MAP4K4: variants seen among roughly 807,000 people sequenced by gnomAD.
MAP4K4 encodes mitogen-activated protein kinase kinase kinase kinase 4, also known as HPK/GCK-like kinase HGK.
Under a neutral mutation model 189.6 loss-of-function variants are expected in MAP4K4, and 38 were observed. That is an observed-to-expected ratio of 0.20 (90% CI 0.15 to 0.26). The LOEUF (loss-of-function observed/expected upper bound fraction) is 0.26. MAP4K4 is among the 10% of genes least tolerant of loss of function. The probability of loss-of-function intolerance (pLI) is 1.00; values close to 1 mark genes in which losing one functional copy is unlikely to be tolerated. For missense variants in MAP4K4, 1,054 were observed against 1,726.9 expected, an observed-to-expected ratio of 0.61 and a Z score of 6.91; for synonymous variants, 610 against 624.3, an observed-to-expected ratio of 0.98 and a Z score of 0.34.
intron 32 of MAP4K4, among the ~76,000 whole-genome samples, chr2:101,889,911 C>T (rs1044640647): frequency 6.6e-6 from 1 of 152,202 alleles, no homozygotes; most frequent in Non-Finnish European, 1.5e-5. Flanking sequence ...TTCTGCAACC[C>T]TACAACTCAG....
chr2:101,839,905 C>G, exon 10 of MAP4K4: 1 of 1,613,866 alleles, frequency 6.2e-7, no homozygotes, highest in Non-Finnish European at 8.5e-7. Context: ...TTGAAACATC[C>G]TTTTATAAGG....
At chr2:101,791,164 A>T (rs2092822903) in intron 3 of MAP4K4, among the ~76,000 whole-genome samples, 1 of 152,214 alleles carries the variant, frequency 6.6e-6, no homozygotes, top group South Asian at 2.1e-4. Context: ...GTATTAGGCC[A>T]CATTTGTGCC....
chr2:101,700,720 G>A (rs1159215254), intron 2 of MAP4K4, among the ~76,000 whole-genome samples: 1 of 150,232 alleles, frequency 6.7e-6, no homozygotes, highest in Non-Finnish European at 1.5e-5. Flanking sequence ...ATCACACTTA[G>A]AAAAATGTCA....
chr2:101,891,987 TAAAAAAAAAAAAA>T (rs60620198), exon 33 of MAP4K4: 1 of 59,818 alleles, frequency 1.7e-5, no homozygotes, highest in Non-Finnish European at 2.8e-5. Flanking sequence ...CAGATGGTTC[TAAAAAAAAAAAAA>T]AAAAAAAAAA....
rs199826883 is a variant in MAP4K4, at chr2:101,892,534, G to A, written c.*1285G>A. 9 of 232,608 alleles carry A rather than the reference G, an allele frequency of 3.9e-5. No individual in the cohort carries two copies. The East Asian group carries it at 1.1e-3, about 28-fold the overall frequency. 14.4% of individuals were successfully genotyped at this position (232,608 alleles called of 1,614,324 possible). ...TGGTAGCAGACAGGTGGTTACATTA[G>A]AATAGTCACACAAACTGTTCAGTGT... On this transcript the variant is annotated 3_prime_UTR_variant, in exon 33 of 33. Transcript: ENST00000324219.
exon 22 of MAP4K4, chr2:101,869,718 A>G (rs2097923121): frequency 1.3e-6 from 2 of 1,599,470 alleles, no homozygotes; most frequent in African/African-American, 1.3e-5. Flanking sequence ...GGAGTCGGGG[A>G]CGACGGATGA....
intron 2 of MAP4K4, among the ~76,000 whole-genome samples, chr2:101,772,756 A>G (rs1246016342): frequency 6.6e-6 from 1 of 152,170 alleles, no homozygotes; most frequent in African/African-American, 2.4e-5. Context: ...ATGGTAATTA[A>G]CATTTCTTTA....
intron 12 of MAP4K4, among the ~76,000 whole-genome samples, chr2:101,853,268 A>G (rs2097343434): frequency 6.6e-6 from 1 of 152,228 alleles, no homozygotes; most frequent in Non-Finnish European, 1.5e-5. Context: ...GATTTTGGAA[A>G]CAAATAGGAA....
rs1004222431 is a variant in MAP4K4 at position 101,726,016 on chromosome 2, G to A, written c.123+27478G>A. Reference sequence around the variant, plus strand: ...CTGCATATCTAGTGCCCCCTGTCGGGGATCCTTTATTTGGAGTGTCTTTTA... The same window carrying A: ...CTGCATATCTAGTGCCCCCTGTCGGAGATCCTTTATTTGGAGTGTCTTTTA... On this transcript the variant is annotated intron_variant, in intron 2 of 32. Transcript: ENST00000324219. Among the ~76,000 whole-genome samples, 7 of 152,234 alleles carry A rather than the reference G, an allele frequency of 4.6e-5. No individual in the cohort carries two copies. The South Asian group carries it at 1.4e-3, about 32-fold the overall frequency.
chr2:101,772,445 A>G (rs539029032), intron 2 of MAP4K4, among the ~76,000 whole-genome samples: 3 of 152,382 alleles, frequency 2.0e-5, no homozygotes, highest in African/African-American at 7.2e-5. Flanking sequence ...GAAAAGAGGC[A>G]TATCTATAGA....
chr2:101,884,268 G>A (rs1046327872), intron 28 of MAP4K4, among the ~76,000 whole-genome samples: 2 of 152,006 alleles, frequency 1.3e-5, no homozygotes, highest in Non-Finnish European at 2.9e-5. Context: ...CTCCTCAATG[G>A]CACTAGTACA....
chr2:101,831,591 A>G (rs2096596803), intron 6 of MAP4K4, 130 bp from the exon 7 acceptor site: 14 of 977,608 alleles, frequency 1.4e-5, no homozygotes, highest in Non-Finnish European at 2.2e-5. Context: ...CTTGAGCAGG[A>G]TCGCATATTC....
At chr2:101,821,158 A>G (rs1005826905) in intron 3 of MAP4K4, among the ~76,000 whole-genome samples, 2 of 152,044 alleles carry the variant, frequency 1.3e-5, no homozygotes, top group Non-Finnish European at 1.5e-5. Flanking sequence ...AATTATACCT[A>G]TTTGGTAGGA....
chr2:101,857,675 T>G (rs1372187435), intron 13 of MAP4K4, among the ~76,000 whole-genome samples: 1 of 152,162 alleles, frequency 6.6e-6, no homozygotes, highest in Non-Finnish European at 1.5e-5. Context: ...GAACCAGATA[T>G]GTTTGTCAGT....
rs34574782 is a variant in MAP4K4, at chr2:101,770,240, A to ATTTTTTTTTTTTTTTTTTTTTTTTTTT, written c.124-20455_124-20454insTTTTTTTTTTTTTTTTTTTTTTTTTTT. Among the ~76,000 whole-genome samples the ATTTTTTTTTTTTTTTTTTTTTTTTTTT allele has an allele frequency of 5.3e-5, 4 of 75,158 alleles. 1 individual carries two copies. The highest frequency in any genetic ancestry group is 7.1e-5 in the Non-Finnish European group (3 of 41,962). The allele number at this position is 75,158 out of a possible 152,430, so 49.3% of individuals were successfully genotyped here. A position where few individuals can be genotyped will look rare whatever the true frequency, so the allele number is the denominator to read the frequency against. On this transcript the variant is annotated intron_variant, in intron 2 of 32. Transcript: ENST00000324219. ...AAAAGTTACACTTTTGTTCATTCTG[A>ATTTTTTTTTTTTTTTTTTTTTTTTTTT]TTTTTTTTTTTTTTTTTTTTTTTTT... is the stretch of plus-strand genomic sequence containing the variant.
intron 2 of MAP4K4, among the ~76,000 whole-genome samples, chr2:101,768,132 C>T (rs1328780073): frequency 6.6e-6 from 1 of 152,130 alleles, no homozygotes; most frequent in Non-Finnish European, 1.5e-5. Flanking sequence ...ATATGATTAT[C>T]TTGTATCATA....
At chr2:101,765,371 T>G (rs961780228) in intron 2 of MAP4K4, among the ~76,000 whole-genome samples, 4 of 152,232 alleles carry the variant, frequency 2.6e-5, no homozygotes, top group Non-Finnish European at 4.4e-5. Context: ...GTGTTTGTTT[T>G]GAGCCTGGAG....
chr2:101,766,466 G>A (rs150366874), intron 2 of MAP4K4, among the ~76,000 whole-genome samples: 280 of 152,244 alleles, frequency 1.8e-3, no homozygotes, highest in African/African-American at 6.6e-3. Flanking sequence ...CCCAGTCTTT[G>A]GGGGTGTGTC....
In MAP4K4 at chr2:101,733,600, G is replaced by T. The variant is rs192267883; in HGVS notation, c.123+35062G>T. Among the ~76,000 whole-genome samples, 5 of 152,286 alleles carry T rather than the reference G, an allele frequency of 3.3e-5. No homozygotes were observed. In the East Asian group the frequency reaches 9.6e-4, roughly 29 times the overall value. ...CTGGTTGGCTTGTCAGCTCCCTGAG[G>T]CTCTCACCTTGTCACACCAAAGGGC... On this transcript the variant is annotated intron_variant, in intron 2 of 32. Transcript: ENST00000324219.
Sources: allele counts gnomAD v4.1 joint callset (sites outside exome capture counted in the v4.1 genomes callset), GRCh38; gene constraint gnomAD v4.1.1; transcripts MANE v1.5; gene names NCBI Gene and HGNC (gene_info 2026-07-23, HGNC 2026-07-21).